The following DIS3L2 variants were observed in gnomAD, a reference collection of about 807,000 sequenced individuals.
DIS3L2 encodes DIS3-like exonuclease 2.
Under a neutral mutation model 97.5 loss-of-function variants are expected in DIS3L2, and 34 were observed. That is an observed-to-expected ratio of 0.35 (90% CI 0.27 to 0.46). DIS3L2 has a LOEUF of 0.46. DIS3L2 is among the 20% of genes least tolerant of loss of function. The probability of loss-of-function intolerance (pLI) is 1.00; values close to 1 mark genes in which losing one functional copy is unlikely to be tolerated. For missense variants in DIS3L2, 1,038 were observed against 1,146.0 expected (o/e 0.91, Z 1.36); for synonymous variants, 435 against 445.2 (o/e 0.98, Z 0.29).
At chr2:231,991,320 T>C (rs1276601053) in intron 1 of DIS3L2, among the ~76,000 whole-genome samples, 3 of 152,236 alleles carry the variant, frequency 2.0e-5, no homozygotes, top group Non-Finnish European at 4.4e-5. Context: ...TCTCCTAGGC[T>C]GGAGTGCAAT....
chr2:232,012,544 C>T (rs1319282097), intron 1 of DIS3L2, among the ~76,000 whole-genome samples: 1 of 149,376 alleles, frequency 6.7e-6, no homozygotes, highest in Admixed American at 6.6e-5. Flanking sequence ...TCGCCCCAAC[C>T]AAGGCTGCCG....
chr2:232,301,061 G>A (rs534233819), intron 14 of DIS3L2, among the ~76,000 whole-genome samples: 5 of 152,262 alleles, frequency 3.3e-5, no homozygotes, highest in East Asian at 1.9e-4. Flanking sequence ...TAATGACAGC[G>A]GCTACCATTG....
intron 4 of DIS3L2, among the ~76,000 whole-genome samples, chr2:232,024,679 C>T (rs571011833): frequency 1.3e-5 from 2 of 152,056 alleles, no homozygotes; most frequent in South Asian, 4.1e-4. Flanking sequence ...CTTTCCTAAA[C>T]AAATATGCTA....
intron 6 of DIS3L2, among the ~76,000 whole-genome samples, chr2:232,089,936 CA>C (rs1190486640): frequency 3.9e-5 from 6 of 152,038 alleles, no homozygotes; most frequent in Admixed American, 1.3e-4. Context: ...ATTCTTCCCC[CA>C]CACTCCTTTT....
intron 5 of DIS3L2, among the ~76,000 whole-genome samples, chr2:232,052,650 C>G (rs1318193493): frequency 6.6e-6 from 1 of 152,178 alleles, no homozygotes; most frequent in Non-Finnish European, 1.5e-5. Flanking sequence ...TTTTTATACA[C>G]AGTTTCCTTT....
chr2:232,331,240 G>A (rs1201256753), intron 16 of DIS3L2, among the ~76,000 whole-genome samples: 1 of 152,264 alleles, frequency 6.6e-6, no homozygotes, highest in East Asian at 1.9e-4. Context: ...GTGGCAGCCT[G>A]TGGGGTGGAC....
chr2:232,042,676 A>T lies in DIS3L2; in HGVS notation c.366+12596A>T, dbSNP rs140569976. 2.5e-4 allele frequency among the ~76,000 whole-genome samples: 38 copies of T among 152,330 alleles called. No homozygotes were observed. In the East Asian group the frequency reaches 6.9e-3, roughly 28 times the overall value. Reference sequence around the variant, plus strand: ...TTGCCTGCTTTAAACATGCCCTCAGATCTTTGTAATTCAAGTTGAAATGTC... The same window carrying T: ...TTGCCTGCTTTAAACATGCCCTCAGTTCTTTGTAATTCAAGTTGAAATGTC... On this transcript the variant is annotated intron_variant, in intron 5 of 20. Coordinates refer to ENST00000325385, the MANE Select transcript of DIS3L2 (RefSeq NM_152383.5).
chr2:232,199,290 G>A (rs1226702389), intron 9 of DIS3L2, among the ~76,000 whole-genome samples: 1 of 152,198 alleles, frequency 6.6e-6, no homozygotes, highest in Admixed American at 6.5e-5. Flanking sequence ...TTGAAGAGCT[G>A]TATGGTATCA....
intron 5 of DIS3L2, among the ~76,000 whole-genome samples, chr2:232,068,691 G>C (rs953403650): frequency 6.6e-5 from 10 of 151,998 alleles, no homozygotes; most frequent in African/African-American, 4.8e-5. Context: ...TGATCCTTTG[G>C]AATATCCTCA....
chr2:232,168,424 T>TATTAGGGA (rs1315123810), intron 9 of DIS3L2, among the ~76,000 whole-genome samples: 1 of 152,210 alleles, frequency 6.6e-6, no homozygotes, highest in Non-Finnish European at 1.5e-5. Context: ...TTTTCTAGTG[T>TATTAGGGA]TAATGATACT....
chr2:232,175,654 G>C (rs191975695), intron 9 of DIS3L2, among the ~76,000 whole-genome samples: 1 of 151,816 alleles, frequency 6.6e-6, no homozygotes, highest in Admixed American at 6.6e-5. Flanking sequence ...TCTATAGTTT[G>C]GTGTACAAAT....
In DIS3L2 at chr2:232,325,321, G is replaced by A. The variant is rs1695542093; in HGVS notation, c.1740-4492G>A. On this transcript the variant is annotated intron_variant, in intron 14 of 20. Transcript: ENST00000325385. This position sits in a 1 kb window ranked among gnomAD's most constrained non-coding sequence, Gnocchi z 4.6. ...AGAGCCCTGCGTTTCATATATTGAT[G>A]TTGTTGCTTTTTCTTTAGAGGAACG... Among the ~76,000 whole-genome samples the A allele has an allele frequency of 6.6e-6, 1 of 152,214 alleles. No individual in the cohort carries two copies. Among genetic ancestry groups the A allele is most frequent in the African/African-American group, 2.4e-5 (1 of 41,464 alleles).
At chr2:232,157,385 C>T (rs1238730822) in intron 8 of DIS3L2, among the ~76,000 whole-genome samples, 1 of 152,144 alleles carries the variant, frequency 6.6e-6, no homozygotes, top group Non-Finnish European at 1.5e-5. Context: ...GATGGCACTC[C>T]CCCCTCACAA....
chr2:232,253,872 C>T (rs1437298881), intron 12 of DIS3L2, among the ~76,000 whole-genome samples: 2 of 152,130 alleles, frequency 1.3e-5, no homozygotes, highest in Non-Finnish European at 2.9e-5. Context: ...CATAACAATA[C>T]TTTAAAACTA....
At chr2:232,109,137 C>T (rs1697446105) in intron 6 of DIS3L2, among the ~76,000 whole-genome samples, 1 of 152,164 alleles carries the variant, frequency 6.6e-6, no homozygotes, top group African/African-American at 2.4e-5. Flanking sequence ...GGAGGCATCA[C>T]CCTACCCAAC....
intron 1 of DIS3L2, among the ~76,000 whole-genome samples, chr2:231,988,933 G>A (rs1459241117): frequency 2.6e-5 from 4 of 152,086 alleles, no homozygotes; most frequent in Admixed American, 1.3e-4. Context: ...TTCAATTCTT[G>A]TATGTTTTAG....
chr2:232,120,485 G>A (rs1697865965), intron 6 of DIS3L2, among the ~76,000 whole-genome samples: 1 of 152,166 alleles, frequency 6.6e-6, no homozygotes. Flanking sequence ...AATGTGGTAT[G>A]CATGTAAACC....
chr2:232,174,745 A>G (rs895303146), intron 9 of DIS3L2, among the ~76,000 whole-genome samples: 4 of 152,114 alleles, frequency 2.6e-5, no homozygotes, highest in African/African-American at 9.7e-5. Context: ...CAGTTACTCA[A>G]GCTAGGACCT....
chr2:231,984,544 G>A (rs868645185), intron 1 of DIS3L2, among the ~76,000 whole-genome samples: 5 of 151,458 alleles, frequency 3.3e-5, no homozygotes, highest in African/African-American at 7.3e-5. Flanking sequence ...CTGCTACCAC[G>A]CCCGGCTAAT....
Sources: allele counts gnomAD v4.1 joint callset (sites outside exome capture counted in the v4.1 genomes callset), GRCh38; gene constraint gnomAD v4.1.1; non-coding constraint Gnocchi (gnomAD v3.1); transcripts MANE v1.5; gene names NCBI Gene and HGNC (gene_info 2026-07-23, HGNC 2026-07-21).